Variants in SCML2 observed in about 807,000 individuals in gnomAD.
The protein encoded by SCML2 is sex comb on midleg-like protein 2.
SCML2 carries 6 observed loss-of-function variants against 48.4 expected under a neutral mutation model. The observed-to-expected ratio is 0.12, with a 90% CI of 0.07 to 0.24. The LOEUF is 0.24. Among genes scored for constraint, SCML2 ranks in the 10% least tolerant of loss-of-function variants. The probability of loss-of-function intolerance (pLI) is 1.00; values close to 1 mark genes in which losing one functional copy is unlikely to be tolerated. For synonymous variants in SCML2, 181 were observed against 189.5 expected, an observed-to-expected ratio of 0.95 and a Z score of 0.37; for missense variants, 377 against 528.2, an observed-to-expected ratio of 0.71 and a Z score of 2.81.
chrX:18,306,295 C>A (rs1310118376), intron 6 of SCML2, among the ~76,000 whole-genome samples: 1 of 111,072 alleles, frequency 9.0e-6, no homozygotes. Context: ...TTAAAAACCA[C>A]AACCTCCCAA....
chrX:18,293,659 T>C (rs944563143), intron 7 of SCML2, among the ~76,000 whole-genome samples: 6 of 112,314 alleles, frequency 5.3e-5, no homozygotes, highest in Non-Finnish European at 1.1e-4. Flanking sequence ...ATGTGTGGTT[T>C]TGCCAAGACA....
In SCML2 at chrX:18,323,549, CAGA is replaced by C. The variant is rs750977579; in HGVS notation, c.397+307_397+309del. Among the ~76,000 whole-genome samples the C allele has an allele frequency of 3.4e-4, 38 of 111,535 alleles. No homozygotes were observed. The South Asian group carries it at 0.014, about 40-fold the overall frequency. On this transcript the variant is annotated intron_variant, in intron 5 of 14. Transcript: ENST00000251900. ...TATCAAACGCTACAAAGTTCTTCCC[CAGA>C]AGGAGTTCTGAATCTGCATATGTAA...
chrX:18,319,304 T>C (rs770836245), intron 6 of SCML2, among the ~76,000 whole-genome samples: 12 of 110,962 alleles, frequency 1.1e-4, no homozygotes, highest in Non-Finnish European at 2.1e-4. Flanking sequence ...GGCATGAGAA[T>C]TGCTTTAACC....
intron 7 of SCML2, 54 bp from the exon 8 acceptor site, chrX:18,265,856 T>C: frequency 1.1e-6 from 1 of 890,904 alleles, no homozygotes; most frequent in Non-Finnish European, 1.6e-6. Context: ...TAAGGCATTG[T>C]CTCCTCATGA....
intron 7 of SCML2, among the ~76,000 whole-genome samples, chrX:18,296,636 A>T (rs1236465253): frequency 9.0e-6 from 1 of 111,530 alleles, no homozygotes; most frequent in African/African-American, 3.3e-5. Context: ...ACACTAACAA[A>T]TTGGAAACCC....
At chrX:18,287,245 T>C (rs1398409386) in intron 7 of SCML2, among the ~76,000 whole-genome samples, 1 of 111,912 alleles carries the variant, frequency 8.9e-6, no homozygotes, top group Non-Finnish European at 1.9e-5. Context: ...GCTTTGGGGG[T>C]CTGACAGAAC....
intron 7 of SCML2, among the ~76,000 whole-genome samples, chrX:18,278,032 C>T (rs983332329): frequency 8.9e-6 from 1 of 111,753 alleles, no homozygotes; most frequent in Non-Finnish European, 1.9e-5. Flanking sequence ...GTGGCACACG[C>T]CAGTAGTCCC....
chrX:18,346,320 T>G (rs959857167), intron 1 of SCML2, among the ~76,000 whole-genome samples: 1 of 111,374 alleles, frequency 9.0e-6, no homozygotes, highest in Non-Finnish European at 1.9e-5. Context: ...GTTACCATTA[T>G]AGAATTCAGT....
At chrX:18,302,863 C>T (rs186503945) in intron 7 of SCML2, among the ~76,000 whole-genome samples, 149 of 111,910 alleles carry the variant, frequency 1.3e-3, no homozygotes, top group Admixed American at 4.3e-3. Flanking sequence ...CCAAAGTTAC[C>T]CTGAATCAGT....
chrX:18,327,607 T>G (rs188261131), intron 3 of SCML2, among the ~76,000 whole-genome samples: 237 of 112,102 alleles, frequency 2.1e-3, no homozygotes, highest in Non-Finnish European at 3.7e-3. Flanking sequence ...CTATTACCAT[T>G]TGTGTCTGAA....
At chrX:18,351,573 C>T (rs1194530121) in intron 1 of SCML2, among the ~76,000 whole-genome samples, 3 of 107,632 alleles carry the variant, frequency 2.8e-5, no homozygotes, top group African/African-American at 1.0e-4. Context: ...TGAGACCTAC[C>T]CTCCCCACCC....
chrX:18,299,296 G>A (rs1928499009), intron 7 of SCML2, among the ~76,000 whole-genome samples: 1 of 110,632 alleles, frequency 9.0e-6, no homozygotes, highest in Non-Finnish European at 1.9e-5. Context: ...GGCGGATCAC[G>A]AGGTCAGGAG....
upstream of SCML2, among the ~76,000 whole-genome samples, chrX:18,354,942 C>T (rs1227624949): frequency 8.9e-6 from 1 of 111,981 alleles, no homozygotes; most frequent in Admixed American, 9.4e-5. Context: ...CCCAAGCACC[C>T]GAGGCCGTGG....
chrX:18,330,515 T>C lies in SCML2; in HGVS notation c.91+72A>G, dbSNP rs1476024. The C allele has an allele frequency of 7.2e-4, 424 of 589,290 alleles. 2 individuals are homozygous for C. In the African/African-American group the frequency reaches 9.0e-3, roughly 13 times the overall value. 48.6% of individuals were successfully genotyped at this position (589,290 alleles called of 1,213,427 possible). A position where few individuals can be genotyped will look rare whatever the true frequency, so the allele number is the denominator to read the frequency against. On this transcript the variant is annotated intron_variant, in intron 3 of 14. Transcript: ENST00000251900. ...ATAAGAAATCAAAACAATAAGAAAA[T>C]TTGCACTTAAAGTTAATTTTAACAC...
At chrX:18,270,285 C>T (rs564834310) in intron 7 of SCML2, among the ~76,000 whole-genome samples, 5 of 111,254 alleles carry the variant, frequency 4.5e-5, no homozygotes, top group African/African-American at 1.6e-4. Context: ...ACCTGGCCTC[C>T]CAAAGTGCTG....
intron 6 of SCML2, among the ~76,000 whole-genome samples, chrX:18,307,386 A>C (rs1323664344): frequency 1.8e-5 from 2 of 111,978 alleles, no homozygotes; most frequent in Admixed American, 1.9e-4. Context: ...GCAGTGTTAC[A>C]TGAAAGGGCT....
chrX:18,340,095 A>G (rs1048807838), intron 1 of SCML2, among the ~76,000 whole-genome samples: 4 of 112,489 alleles, frequency 3.6e-5, no homozygotes, highest in African/African-American at 6.5e-5. Flanking sequence ...AGCTAAAATG[A>G]AATGTACAAT....
intron 1 of SCML2, among the ~76,000 whole-genome samples, chrX:18,344,786 G>A (rs1803490493): frequency 9.0e-6 from 1 of 110,857 alleles, no homozygotes; most frequent in African/African-American, 3.3e-5. Context: ...TGTCTTTATC[G>A]GCAGCGTGAA....
At chrX:18,354,476 T>C (rs1251778526) in intron 1 of SCML2, 116 bp downstream of exon 1, 4 of 226,789 alleles carry the variant, frequency 1.8e-5, no homozygotes, top group African/African-American at 1.2e-4. Flanking sequence ...TAAGGGGGCG[T>C]TCCTCGCACG....
Sources: allele counts gnomAD v4.1 joint callset (sites outside exome capture counted in the v4.1 genomes callset), GRCh38; gene constraint gnomAD v4.1.1; transcripts MANE v1.5; gene names NCBI Gene and HGNC (gene_info 2026-07-23, HGNC 2026-07-21).